Variants in RAP1GAP2 observed in about 807,000 individuals in gnomAD.
RAP1GAP2 encodes RAP1 GTPase activating protein 2, also known as rap1 GTPase-activating protein 2.
A neutral mutation model predicts 95.0 loss-of-function variants in RAP1GAP2; 27 were observed. That is an observed-to-expected ratio of 0.28 (90% CI 0.21 to 0.39). RAP1GAP2 has a LOEUF of 0.39. Among genes scored for constraint, RAP1GAP2 ranks in the 10% least tolerant of loss-of-function variants. RAP1GAP2 has a pLI of 1.00. For synonymous variants in RAP1GAP2, 373 were observed against 380.9 expected (o/e 0.98, Z 0.24); for missense variants, 771 against 970.0 (o/e 0.79, Z 2.72).
At chr17:2,901,333 T>G (rs1343994655) in intron 2 of RAP1GAP2, among the ~76,000 whole-genome samples, 1 of 152,180 alleles carries the variant, frequency 6.6e-6, no homozygotes, top group East Asian at 1.9e-4. Flanking sequence ...ACTGAGTATG[T>G]AATCTTCCTC....
chr17:2,924,379 G>A (rs1597622564), intron 3 of RAP1GAP2, among the ~76,000 whole-genome samples: 4 of 152,296 alleles, frequency 2.6e-5, no homozygotes, highest in Admixed American at 2.6e-4. Context: ...AAATGACATG[G>A]CTGAGCTGAT....
At chr17:2,759,795 C>T (rs999434268) in intron 1 of RAP1GAP2, among the ~76,000 whole-genome samples, 2 of 152,128 alleles carry the variant, frequency 1.3e-5, no homozygotes, top group South Asian at 4.1e-4. Context: ...CCATGTTGCC[C>T]AGGCTGGTCT....
At chr17:2,837,358 G>A (rs1434602585) in intron 2 of RAP1GAP2, among the ~76,000 whole-genome samples, 3 of 151,856 alleles carry the variant, frequency 2.0e-5, no homozygotes, top group East Asian at 1.9e-4. Flanking sequence ...GGGCAGCCCC[G>A]TATAAACCAC....
At chr17:2,956,184 AG>A (rs1214812052) in intron 3 of RAP1GAP2, among the ~76,000 whole-genome samples, 2 of 152,222 alleles carry the variant, frequency 1.3e-5, no homozygotes, top group African/African-American at 4.8e-5. Flanking sequence ...AAGTTGGAAG[AG>A]GAGGTTTGGC....
chr17:2,822,283 A>C (rs2151522009), intron 2 of RAP1GAP2, among the ~76,000 whole-genome samples: 1 of 152,270 alleles, frequency 6.6e-6, no homozygotes, highest in Middle Eastern at 3.4e-3. Context: ...GTTCCCCAAA[A>C]GGCACAAACA....
rs2045518953 is a variant in RAP1GAP2, at chr17:2,985,394, A to G, written c.813+328A>G. ...GACTAGGTCAAGGGAATGGAGGAGC[A>G]TAGGCTGCTCTCTCCTTGCCCAAAT... On this transcript the variant is annotated intron_variant, in intron 11 of 24. Transcript: ENST00000254695. Among the ~76,000 whole-genome samples, 3 of 152,276 alleles carry G rather than the reference A, an allele frequency of 2.0e-5. No individual in the cohort carries two copies. In the South Asian group the frequency reaches 6.2e-4, roughly 32 times the overall value.
chr17:2,759,840 G>A (rs1011996470), intron 1 of RAP1GAP2, among the ~76,000 whole-genome samples: 4 of 152,142 alleles, frequency 2.6e-5, no homozygotes, highest in Non-Finnish European at 5.9e-5. Context: ...TTTGCCTCCC[G>A]AAGTGTTGAG....
chr17:2,804,353 A>C (rs1236329341), intron 2 of RAP1GAP2, among the ~76,000 whole-genome samples: 2 of 152,224 alleles, frequency 1.3e-5, no homozygotes, highest in Non-Finnish European at 2.9e-5. Context: ...CTCATGAAGC[A>C]GGCACCAATC....
intron 3 of RAP1GAP2, among the ~76,000 whole-genome samples, chr17:2,940,811 G>A (rs1444692501): frequency 1.3e-5 from 2 of 152,182 alleles, no homozygotes; most frequent in Non-Finnish European, 2.9e-5. Flanking sequence ...CCCGGGACTG[G>A]CTGTTTTCTT....
chr17:2,765,291 G>A (rs1300362962), intron 1 of RAP1GAP2, among the ~76,000 whole-genome samples: 1 of 152,152 alleles, frequency 6.6e-6, no homozygotes, highest in Non-Finnish European at 1.5e-5. Flanking sequence ...ACCAGGTCCT[G>A]CCAACACCAC....
intron 8 of RAP1GAP2, among the ~76,000 whole-genome samples, chr17:2,971,950 A>G (rs990347635): frequency 2.6e-5 from 4 of 152,266 alleles, no homozygotes; most frequent in Non-Finnish European, 5.9e-5. Context: ...AAGAGAAAAT[A>G]AGAATATACA....
rs944596694 is a variant in RAP1GAP2, at chr17:3,036,510, C to T, written c.*3149C>T. On this transcript the variant is annotated 3_prime_UTR_variant, in exon 25 of 25. Transcript: ENST00000254695. ...GGCTGCAGTTTCTGCTCTTTTTCAT[C>T]AGGGGGGATAGTCTCTAGGATTTTT... 1.3e-5 allele frequency: 2 copies of T among 152,260 alleles called. No individual in the cohort carries two copies. Among genetic ancestry groups the T allele is most frequent in the African/African-American group, 4.8e-5 (2 of 41,420 alleles). The allele number at this position is 152,260 out of a possible 1,614,324, so 9.4% of individuals were successfully genotyped here. A position where few individuals can be genotyped will look rare whatever the true frequency, so the allele number is the denominator to read the frequency against.
At chr17:3,009,002 G>C (rs780334168) in intron 17 of RAP1GAP2, among the ~76,000 whole-genome samples, 1 of 152,190 alleles carries the variant, frequency 6.6e-6, no homozygotes, top group Non-Finnish European at 1.5e-5. Flanking sequence ...TGTGCTGCTG[G>C]ATTGCCTGTT....
In RAP1GAP2 at chr17:2,827,113, G is replaced by T. The variant is rs1039626389; in HGVS notation, c.80+26563G>T. The stretch of plus-strand genomic sequence containing the variant: ...GGGGGATTTGCAAAGTAGTCACGTG[G>T]GTGAGGCAGGAGGGAAGCCTAGTAG... On this transcript the variant is annotated intron_variant, in intron 2 of 24. Transcript: ENST00000254695. The surrounding 1 kb of genome is among the most constrained non-coding windows in gnomAD (Gnocchi z 4.1). 3.3e-5 allele frequency among the ~76,000 whole-genome samples: 5 copies of T among 152,190 alleles called. No individual in the cohort carries two copies. The highest frequency in any genetic ancestry group is 1.2e-4 in the African/African-American group (5 of 41,458).
At chr17:2,885,028 CT>C (rs891984333) in intron 2 of RAP1GAP2, among the ~76,000 whole-genome samples, 1,600 of 112,484 alleles carry the variant, frequency 0.014, 8 homozygotes, top group African/African-American at 0.039. Context: ...TTATTTCTTT[CT>C]TTTTTTTTTT....
At chr17:2,812,361 C>T (rs938344437) in intron 2 of RAP1GAP2, among the ~76,000 whole-genome samples, 1 of 152,148 alleles carries the variant, frequency 6.6e-6, no homozygotes, top group Non-Finnish European at 1.5e-5. Flanking sequence ...TCCTGTCTCC[C>T]GGTTCAGGCC....
intron 2 of RAP1GAP2, among the ~76,000 whole-genome samples, chr17:2,847,362 G>A (rs1398637179): frequency 6.6e-6 from 1 of 152,134 alleles, no homozygotes; most frequent in Non-Finnish European, 1.5e-5. Context: ...GAAATCTCTA[G>A]CTAGGGTCAT....
chr17:2,962,849 C>A (rs1456268576), intron 5 of RAP1GAP2, 135 bp downstream of exon 5: 4 of 837,340 alleles, frequency 4.8e-6, no homozygotes, highest in Non-Finnish European at 7.1e-6. Context: ...CCACGGGCCG[C>A]TTCACGACTG....
intron 2 of RAP1GAP2, among the ~76,000 whole-genome samples, chr17:2,806,281 C>T (rs976312115): frequency 6.6e-6 from 1 of 152,066 alleles, no homozygotes; most frequent in African/African-American, 2.4e-5. Flanking sequence ...TTCCTAGGTC[C>T]CTGGGGACTC....
Sources: gnomAD v4.1 joint callset for allele counts (sites outside exome capture counted in the v4.1 genomes callset) on GRCh38, gnomAD v4.1.1 for gene constraint, Gnocchi (gnomAD v3.1) non-coding constraint, MANE v1.5 for transcripts, NCBI Gene and HGNC (gene_info 2026-07-23, HGNC 2026-07-21) for gene names.